Variants in GLRA2 observed in about 807,000 individuals in gnomAD.
GLRA2 encodes glycine receptor alpha 2, also known as glycine receptor subunit alpha-2.
In GLRA2, 11 loss-of-function variants were observed where a neutral mutation model predicts 31.6. The observed-to-expected ratio is 0.35, with a 90% CI of 0.22 to 0.58. GLRA2 has a LOEUF of 0.58. GLRA2 is among the 20% of genes least tolerant of loss of function. The pLI is 0.84. For synonymous variants in GLRA2, 132 were observed against 134.0 expected, an observed-to-expected ratio of 0.99 and a Z score of 0.10; for missense variants, 212 against 351.8, an observed-to-expected ratio of 0.60 and a Z score of 3.18.
rs1256562410 is a variant in GLRA2, at chrX:14,530,092, T to C, written c.35T>C (p.Leu12Ser). 4 of 1,199,531 alleles carry C rather than the reference T, an allele frequency of 3.3e-6. No homozygotes were observed. The highest frequency in any genetic ancestry group is 4.5e-6 in the Non-Finnish European group (4 of 885,572). ...NRQLVNILTA[L>S]FAFFLETNHF... The stretch of plus-strand genomic sequence containing the variant: ...CAGCTAGTGAACATTTTGACAGCCT[T>C]GTTTGCATTTTTCTTAGAGACAAAC... Residue 12 changes from leucine to serine, a missense_variant, in exon 1 of 9, where the codon TTG becomes TCG. Leu to Ser is a moderately radical substitution (Grantham distance 145). This residue lies in a region of GLRA2 where 33 missense variants were observed against 27.7 expected (regional missense o/e 1.19). Coordinates refer to ENST00000218075, the MANE Select transcript of GLRA2 (RefSeq NM_002063.4).
At chrX:14,501,373 T>G in the GLRA2 span, among the ~76,000 whole-genome samples, 5 of 112,210 alleles carry the variant, frequency 4.5e-5, no homozygotes, top group South Asian at 1.8e-3. Context: ...TATTGTCTTA[T>G]GCCTTTTGTG....
the GLRA2 span, among the ~76,000 whole-genome samples, chrX:14,493,598 T>C: frequency 3.4e-4 from 35 of 104,192 alleles, no homozygotes; most frequent in Non-Finnish European, 5.4e-4. Flanking sequence ...CATATATACA[T>C]ATATACACAT....
chrX:14,613,495 A>G (rs763642246), intron 7 of GLRA2, among the ~76,000 whole-genome samples: 1 of 112,243 alleles, frequency 8.9e-6, no homozygotes. Flanking sequence ...AACAATAAAA[A>G]AAATAACCAA....
At chrX:14,507,643 G>A in the GLRA2 span, among the ~76,000 whole-genome samples, 3 of 101,168 alleles carry the variant, frequency 3.0e-5, no homozygotes, top group Non-Finnish European at 6.0e-5. Context: ...CCTCAGTTGA[G>A]AAAATGTCCG....
At chrX:14,712,358 G>T (rs2091723597) in intron 8 of GLRA2, among the ~76,000 whole-genome samples, 1 of 111,536 alleles carries the variant, frequency 9.0e-6, no homozygotes, top group African/African-American at 3.3e-5. Flanking sequence ...ATCCCCTAGG[G>T]GGCAAAAATG....
At chrX:14,514,906 C>T in the GLRA2 span, among the ~76,000 whole-genome samples, 1 of 110,836 alleles carries the variant, frequency 9.0e-6, no homozygotes, top group African/African-American at 3.3e-5. Flanking sequence ...GCCTTAAAAC[C>T]CATTAATATG....
chrX:14,709,760 C>G (rs779715569), intron 8 of GLRA2, among the ~76,000 whole-genome samples: 1 of 111,677 alleles, frequency 9.0e-6, no homozygotes, highest in Admixed American at 9.5e-5. Flanking sequence ...AGCTATACCC[C>G]CTCCTTACTC....
chrX:14,638,209 C>A (rs191739341), intron 7 of GLRA2, among the ~76,000 whole-genome samples: 314 of 111,017 alleles, frequency 2.8e-3, no homozygotes, highest in African/African-American at 9.4e-3. Context: ...GAAGGTTTGC[C>A]AAGGATTTTT....
chrX:14,461,649 T>C, the GLRA2 span, among the ~76,000 whole-genome samples: 1 of 111,837 alleles, frequency 8.9e-6, no homozygotes, highest in South Asian at 3.7e-4. Flanking sequence ...AAGTCTGTTT[T>C]ATCAGAGACT....
intron 2 of GLRA2, among the ~76,000 whole-genome samples, chrX:14,541,383 ACT>A (rs1441245904): frequency 3.6e-5 from 4 of 111,455 alleles, no homozygotes; most frequent in African/African-American, 1.3e-4. Flanking sequence ...TGATTATCAC[ACT>A]TGAAATACAG....
chrX:14,730,593 GGAGGGAGGGTCATGGGGGT>G lies in GLRA2; in HGVS notation c.*110_*128del. On this transcript the variant is annotated 3_prime_UTR_variant, in exon 9 of 9. Transcript: ENST00000218075. ...ACAGAGGAGAAGATTGAGGGAGGGG[GGAGGGAGGGTCATGGGGGT>G]GGGTTTCCTGGCACCTACATGAAAA... is the stretch of plus-strand genomic sequence containing the variant. 1.7e-5 allele frequency: 2 copies of G among 119,660 alleles called. No homozygotes were observed. The highest frequency in any genetic ancestry group is 2.4e-4 in the South Asian group (1 of 4,142). The allele number at this position is 119,660 out of a possible 1,213,427, so 9.9% of individuals were successfully genotyped here. A position where few individuals can be genotyped will look rare whatever the true frequency, so the allele number is the denominator to read the frequency against.
chrX:14,454,603 GATA>G, the GLRA2 span, among the ~76,000 whole-genome samples: 2 of 105,732 alleles, frequency 1.9e-5, no homozygotes, highest in Non-Finnish European at 3.9e-5. Context: ...CAACCTTATT[GATA>G]ATTTCCTAAT....
intron 3 of GLRA2, among the ~76,000 whole-genome samples, chrX:14,578,862 C>T (rs1431868357): frequency 9.0e-6 from 1 of 111,714 alleles, no homozygotes; most frequent in Non-Finnish European, 1.9e-5. Context: ...AAATGACTGC[C>T]TGGAAGGATG....
intron 8 of GLRA2, among the ~76,000 whole-genome samples, chrX:14,711,417 T>G (rs1054699932): frequency 8.9e-6 from 1 of 112,127 alleles, no homozygotes; most frequent in African/African-American, 3.2e-5. Context: ...AGTGAGGACT[T>G]GAGTTGAACA....
intron 8 of GLRA2, among the ~76,000 whole-genome samples, chrX:14,693,000 A>T (rs925680597): frequency 9.0e-6 from 1 of 110,737 alleles, no homozygotes; most frequent in East Asian, 2.8e-4. Flanking sequence ...TATGTAACTA[A>T]CCTGCACATT....
chrX:14,457,199 A>G, the GLRA2 span, among the ~76,000 whole-genome samples: 1 of 111,390 alleles, frequency 9.0e-6, no homozygotes, highest in Non-Finnish European at 1.9e-5. Flanking sequence ...AGATCATTTT[A>G]CCACTTGTTT....
chrX:14,715,490 C>A (rs192932179), intron 8 of GLRA2, among the ~76,000 whole-genome samples: 1 of 111,630 alleles, frequency 9.0e-6, no homozygotes, highest in Admixed American at 9.6e-5. Context: ...CGGGCCCCTG[C>A]ACTTGAAAGT....
chrX:14,575,847 C>T (rs1387636340), intron 3 of GLRA2, among the ~76,000 whole-genome samples: 1 of 111,526 alleles, frequency 9.0e-6, no homozygotes, highest in Non-Finnish European at 1.9e-5. Context: ...ACAGGGTTCT[C>T]GGCTACAGCA....
chrX:14,478,476 C>T, the GLRA2 span, among the ~76,000 whole-genome samples: 10 of 111,840 alleles, frequency 8.9e-5, no homozygotes, highest in Non-Finnish European at 1.9e-4. Flanking sequence ...TCTTATACAG[C>T]CTTATATCCT....
Sources: gnomAD v4.1 joint callset for allele counts (sites outside exome capture counted in the v4.1 genomes callset) on GRCh38, gnomAD v4.1.1 for gene constraint, gnomAD v4.1.1 regional missense constraint, MANE v1.5 for transcripts, NCBI Gene and HGNC (gene_info 2026-07-23, HGNC 2026-07-21) for gene names.